The following NECAB1 variants were observed in gnomAD, a reference collection of about 807,000 sequenced individuals.
The protein encoded by NECAB1 is N-terminal EF-hand calcium-binding protein 1.
NECAB1 carries 29 observed loss-of-function variants against 57.5 expected under a neutral mutation model. The ratio of observed to expected loss-of-function variants is 0.50; its 90% confidence interval spans 0.38 to 0.69. The LOEUF (loss-of-function observed/expected upper bound fraction) is 0.69, where lower values mean the gene tolerates loss of function less well. NECAB1 is among the 30% of genes least tolerant of loss of function. The probability of loss-of-function intolerance (pLI) is 0.00; values close to 1 mark genes in which losing one functional copy is unlikely to be tolerated. For missense variants in NECAB1, 372 were observed against 413.8 expected (o/e 0.90, Z 0.88); for synonymous variants, 142 against 147.7 (o/e 0.96, Z 0.28).
chr8:90,907,151 TGAGAGAGAGAGAGA>T (rs71266152), intron 5 of NECAB1, among the ~76,000 whole-genome samples: 12 of 102,042 alleles, frequency 1.2e-4, no homozygotes, highest in Admixed American at 3.3e-4. Context: ...TGTGTGTGTG[TGAGAGAGAGAGAGA>T]GAGAGAGAGA....
chr8:90,850,568 G>T (rs552859388), intron 3 of NECAB1, among the ~76,000 whole-genome samples: 1 of 150,842 alleles, frequency 6.6e-6, no homozygotes, highest in African/African-American at 2.5e-5. Context: ...GCTGATAAAT[G>T]TGTAGCATGT....
At chr8:90,898,951 G>A (rs545737492) in intron 5 of NECAB1, among the ~76,000 whole-genome samples, 1 of 152,330 alleles carries the variant, frequency 6.6e-6, no homozygotes, top group African/African-American at 2.4e-5. Context: ...AAGTGCAAGA[G>A]ATATGTTGGG....
intron 5 of NECAB1, among the ~76,000 whole-genome samples, chr8:90,899,078 G>A (rs548561153): frequency 1.3e-5 from 2 of 152,334 alleles, no homozygotes; most frequent in East Asian, 3.9e-4. Context: ...TGGGCTGGCA[G>A]AGAGCCTCTG....
At chr8:90,907,777 G>T (rs564126627) in intron 5 of NECAB1, among the ~76,000 whole-genome samples, 1 of 152,210 alleles carries the variant, frequency 6.6e-6, no homozygotes, top group African/African-American at 2.4e-5. Flanking sequence ...TTACCTGTTT[G>T]TTATTCTGAG....
intron 3 of NECAB1, among the ~76,000 whole-genome samples, chr8:90,838,324 T>C (rs1365043206): frequency 6.6e-6 from 1 of 152,172 alleles, no homozygotes; most frequent in East Asian, 1.9e-4. Context: ...CATAAAAGCA[T>C]CATAAAACCT....
At chr8:90,833,655 A>G (rs866678997) in intron 3 of NECAB1, among the ~76,000 whole-genome samples, 1 of 152,176 alleles carries the variant, frequency 6.6e-6, no homozygotes, top group Non-Finnish European at 1.5e-5. Context: ...TTATTCACAT[A>G]AATGCAGTTT....
chr8:90,948,406 A>C (rs1451281407), intron 10 of NECAB1, among the ~76,000 whole-genome samples: 1 of 152,140 alleles, frequency 6.6e-6, no homozygotes, highest in Non-Finnish European at 1.5e-5. Flanking sequence ...AACTGAAAAG[A>C]ACACAAGCAG....
intron 2 of NECAB1, among the ~76,000 whole-genome samples, chr8:90,815,229 T>C (rs551404707): frequency 6.6e-6 from 1 of 152,200 alleles, no homozygotes; most frequent in South Asian, 2.1e-4. Flanking sequence ...CAGTCTTATA[T>C]ACAGTTTCTT....
chr8:90,872,112 T>C lies in NECAB1; in HGVS notation c.234-16T>C. On this transcript the variant is annotated splice_polypyrimidine_tract_variant and intron_variant, in intron 3 of 12. Transcript: ENST00000417640. ...CCAAAGTAATAACACTGTTTTTTTT[T>C]GTTTCATCTTTTCAGTAATCTTGAC... 1.3e-6 allele frequency: 2 copies of C among 1,541,976 alleles called. No homozygotes were observed. Among genetic ancestry groups the C allele is most frequent in the Non-Finnish European group, 1.8e-6 (2 of 1,140,938 alleles).
intron 3 of NECAB1, among the ~76,000 whole-genome samples, chr8:90,827,710 T>A (rs1812247085): frequency 1.3e-5 from 2 of 151,992 alleles, no homozygotes; most frequent in Non-Finnish European, 2.9e-5. Flanking sequence ...TTTTATCTCA[T>A]GAAAATACTC....
chr8:90,896,075 T>C (rs536084059), intron 5 of NECAB1, among the ~76,000 whole-genome samples: 49 of 152,300 alleles, frequency 3.2e-4, no homozygotes, highest in African/African-American at 1.1e-3. Flanking sequence ...GGTATACTTA[T>C]TCTTGTCGGG....
intron 3 of NECAB1, among the ~76,000 whole-genome samples, chr8:90,859,731 G>A (rs1405886731): frequency 6.6e-6 from 1 of 152,180 alleles, no homozygotes; most frequent in Non-Finnish European, 1.5e-5. Context: ...AACATTAGTT[G>A]TGTGGGAAAA....
intron 4 of NECAB1, among the ~76,000 whole-genome samples, chr8:90,876,931 TTTC>T (rs1308303513): frequency 3.9e-5 from 6 of 152,340 alleles, no homozygotes; most frequent in Middle Eastern, 3.4e-3. Flanking sequence ...AAATAGGTCT[TTTC>T]TTCAGGAAGT....
rs71560287 is a variant in NECAB1 at position 90,927,610 on chromosome 8, TACAC to T, written c.617-584_617-581del. Among the ~76,000 whole-genome samples, 787 of 143,890 alleles carry T rather than the reference TACAC, an allele frequency of 5.5e-3. 10 individuals are homozygous for T. The highest frequency in any genetic ancestry group is 0.016 in the African/African-American group (627 of 39,014). The allele number at this position is 143,890 out of a possible 152,430, so 94.4% of individuals were successfully genotyped here. On this transcript the variant is annotated intron_variant, in intron 7 of 12. Coordinates refer to ENST00000417640, the MANE Select transcript of NECAB1 (RefSeq NM_022351.5). ...CTATAACGTTTAACTTGGTGCTAGATACACACACACACACACACACACACACACA... is the reference window on the plus strand; with the variant it reads ...CTATAACGTTTAACTTGGTGCTAGATACACACACACACACACACACACACA...
intron 5 of NECAB1, among the ~76,000 whole-genome samples, chr8:90,909,018 A>G (rs764692940): frequency 2.9e-4 from 44 of 152,098 alleles, no homozygotes; most frequent in Non-Finnish European, 5.6e-4. Flanking sequence ...GCTTATGCTC[A>G]TGGTTTAGGC....
intron 10 of NECAB1, among the ~76,000 whole-genome samples, chr8:90,945,214 C>A (rs984723193): frequency 2.0e-5 from 3 of 152,090 alleles, no homozygotes; most frequent in African/African-American, 4.8e-5. Flanking sequence ...ACTATAGGTG[C>A]GTGCTGCCAC....
chr8:90,822,151 T>TAAC (rs1812154163), intron 2 of NECAB1, among the ~76,000 whole-genome samples: 1 of 151,920 alleles, frequency 6.6e-6, no homozygotes, highest in African/African-American at 2.4e-5. Context: ...ATTTGGCTAT[T>TAAC]CTGTGAGCCA....
intron 3 of NECAB1, among the ~76,000 whole-genome samples, chr8:90,827,474 C>T (rs1315325417): frequency 6.6e-6 from 1 of 151,962 alleles, no homozygotes; most frequent in East Asian, 1.9e-4. Context: ...TTGGTATCTC[C>T]CTAATACACT....
At chr8:90,844,787 G>T (rs547142164) in intron 3 of NECAB1, among the ~76,000 whole-genome samples, 1 of 151,782 alleles carries the variant, frequency 6.6e-6, no homozygotes, top group South Asian at 2.1e-4. Context: ...ACTGAGCTAC[G>T]TTCTTCTAAA....
Sources: gnomAD v4.1 joint callset for allele counts (sites outside exome capture counted in the v4.1 genomes callset) on GRCh38, gnomAD v4.1.1 for gene constraint, MANE v1.5 for transcripts, NCBI Gene and HGNC (gene_info 2026-07-23, HGNC 2026-07-21) for gene names.